The following SLC16A10 variants were observed in gnomAD, a reference collection of about 807,000 sequenced individuals.
SLC16A10 encodes the protein monocarboxylate transporter 10.
SLC16A10 carries 27 observed loss-of-function variants against 40.0 expected under a neutral mutation model. The ratio of observed to expected loss-of-function variants is 0.67; its 90% CI spans 0.50 to 0.93. The LOEUF (loss-of-function observed/expected upper bound fraction) is 0.93, where lower values mean the gene tolerates loss of function less well. SLC16A10 is among the 40% of genes least tolerant of loss of function. The pLI, the probability that SLC16A10 is intolerant of heterozygous loss-of-function variation, is 0.00. For missense variants in SLC16A10, 529 were observed against 658.2 expected (o/e 0.80, Z 2.15); for synonymous variants, 213 against 249.8 (o/e 0.85, Z 1.39).
intron 3 of SLC16A10, among the ~76,000 whole-genome samples, chr6:111,201,885 G>A (rs552105524): frequency 2.6e-5 from 4 of 152,178 alleles, no homozygotes; most frequent in Admixed American, 1.3e-4. Context: ...ATGCATGTTC[G>A]TTGGCTTTAT....
At position 111,222,310 on chromosome 6, in the gene SLC16A10, G is replaced by A. The variant is rs118149501; in HGVS notation, c.*75G>A. 16,213 of 1,495,800 alleles carry A rather than the reference G, an allele frequency of 0.011. 107 individuals are homozygous for A. Among genetic ancestry groups the A allele is most frequent in the Non-Finnish European group, 0.013 (14,537 of 1,134,656 alleles). The allele number at this position is 1,495,800 out of a possible 1,614,324, so 92.7% of individuals were successfully genotyped here. A position where few individuals can be genotyped will look rare whatever the true frequency, so the allele number is the denominator to read the frequency against. ...AGTTTCCTTTCCTTTTATACAAATT[G>A]CAAATTTCATATTTTTTTAATCACA... On this transcript the variant is annotated 3_prime_UTR_variant, in exon 6 of 6. Transcript: ENST00000368851.
intron 1 of SLC16A10, among the ~76,000 whole-genome samples, chr6:111,118,953 C>T (rs1771537430): frequency 6.6e-6 from 1 of 152,152 alleles, no homozygotes; most frequent in Non-Finnish European, 1.5e-5. Flanking sequence ...CAAAAGTCTG[C>T]ACAGTCACTG....
intron 1 of SLC16A10, among the ~76,000 whole-genome samples, chr6:111,142,305 A>G (rs1771997160): frequency 6.6e-6 from 1 of 152,212 alleles, no homozygotes; most frequent in Admixed American, 6.5e-5. Context: ...GAATAACTGG[A>G]TGTCCACATG....
intron 1 of SLC16A10, among the ~76,000 whole-genome samples, chr6:111,094,735 T>G (rs187653719): frequency 1.1e-3 from 167 of 152,202 alleles, no homozygotes; most frequent in African/African-American, 4.0e-3. Flanking sequence ...ACTTCTAAGC[T>G]CAAGCAATCC....
chr6:111,154,501 A>T (rs374534800), intron 1 of SLC16A10, among the ~76,000 whole-genome samples: 1 of 152,204 alleles, frequency 6.6e-6, no homozygotes, highest in East Asian at 1.9e-4. Context: ...GGGAAGCATG[A>T]TGGATGTGGT....
Position 111,228,229 on chromosome 6 carries a change from A to C in SLC16A10, c.*5994A>C, listed in dbSNP as rs2114602207. 6.6e-6 allele frequency: 1 copy of C among 152,358 alleles called. No individual in the cohort carries two copies. The allele number at this position is 152,358 out of a possible 1,614,324, so 9.4% of individuals were successfully genotyped here. ...TTCATTGGCAAGAGGGTAGATGATC[A>C]GTGATGACAGATTGTACAGCTGTGC... On this transcript the variant is annotated 3_prime_UTR_variant, in exon 6 of 6. Transcript: ENST00000368851.
intron 1 of SLC16A10, among the ~76,000 whole-genome samples, chr6:111,098,195 A>G (rs543791945): frequency 0.013 from 1,979 of 151,948 alleles, no homozygotes; most frequent in African/African-American, 0.046. Context: ...AATCTCAGCT[A>G]CTGGGGAAGC....
intron 1 of SLC16A10, among the ~76,000 whole-genome samples, chr6:111,089,912 T>G (rs369953044): frequency 2.2e-5 from 2 of 90,654 alleles, no homozygotes; most frequent in Non-Finnish European, 4.4e-5. Flanking sequence ...GGGTGGGTTT[T>G]TTTTTTTTTT....
intron 1 of SLC16A10, among the ~76,000 whole-genome samples, chr6:111,132,466 G>T (rs1053523980): frequency 1.3e-5 from 2 of 152,166 alleles, no homozygotes; most frequent in Non-Finnish European, 2.9e-5. Context: ...TCAAAAATCC[G>T]TAACCCAGTA....
At chr6:111,090,557 A>G (rs1035510394) in intron 1 of SLC16A10, among the ~76,000 whole-genome samples, 2 of 152,202 alleles carry the variant, frequency 1.3e-5, no homozygotes, top group African/African-American at 2.4e-5. Flanking sequence ...TGGTTACAAG[A>G]TAGTCTTTAA....
At chr6:111,088,856 C>A (rs538354520) in intron 1 of SLC16A10, among the ~76,000 whole-genome samples, 1 of 152,058 alleles carries the variant, frequency 6.6e-6, no homozygotes, top group African/African-American at 2.4e-5. Context: ...GACTTTTTGG[C>A]TGGTTAGGCA....
In SLC16A10 at chr6:111,224,714, A is replaced by G. The variant is rs1562439603; in HGVS notation, c.*2479A>G. ...TATGTTTTTTGTGGGAAAAGTTCTAAAAGTTTAAAATGCACAAAGAAAATG... is the reference window on the plus strand; with the variant it reads ...TATGTTTTTTGTGGGAAAAGTTCTAGAAGTTTAAAATGCACAAAGAAAATG... On this transcript the variant is annotated 3_prime_UTR_variant, in exon 6 of 6. Transcript: ENST00000368851. 6.6e-6 allele frequency: 1 copy of G among 152,232 alleles called. No individual in the cohort carries two copies. Among genetic ancestry groups the G allele is most frequent in the Non-Finnish European group, 1.5e-5 (1 of 68,040 alleles). The allele number at this position is 152,232 out of a possible 1,614,324, so 9.4% of individuals were successfully genotyped here.
At chr6:111,195,522 A>C (rs1773065611) in intron 3 of SLC16A10, among the ~76,000 whole-genome samples, 1 of 152,230 alleles carries the variant, frequency 6.6e-6, no homozygotes, top group Non-Finnish European at 1.5e-5. Flanking sequence ...ATCACGATAA[A>C]AAATTAAAAA....
chr6:111,123,614 G>T (rs916132736), intron 1 of SLC16A10, among the ~76,000 whole-genome samples: 1 of 152,176 alleles, frequency 6.6e-6, no homozygotes, highest in Admixed American at 6.5e-5. Context: ...GAGCCAGGAG[G>T]TGACAGTATC....
At chr6:111,128,025 G>A (rs12195305) in intron 1 of SLC16A10, among the ~76,000 whole-genome samples, 15,279 of 152,124 alleles carry the variant, frequency 0.1, 1,013 homozygotes, top group Middle Eastern at 0.17. Context: ...TGCTGCCTTT[G>A]CTCTGAGGCT....
chr6:111,184,883 A>T (rs1350541018), intron 3 of SLC16A10, among the ~76,000 whole-genome samples: 1 of 152,218 alleles, frequency 6.6e-6, no homozygotes, highest in African/African-American at 2.4e-5. Flanking sequence ...GTAGTGCCAG[A>T]TGCTGCCAAG....
chr6:111,193,341 C>T, intron 3 of SLC16A10: 1 of 985,456 alleles, frequency 1.0e-6, no homozygotes, highest in South Asian at 4.7e-5. Context: ...GACAATTTGC[C>T]CATTTATCAG....
At chr6:111,100,998 A>C (rs1010795345) in intron 1 of SLC16A10, among the ~76,000 whole-genome samples, 340 of 109,786 alleles carry the variant, frequency 3.1e-3, no homozygotes, top group South Asian at 7.1e-3. Flanking sequence ...CTCTCTATAT[A>C]TATATATATA....
chr6:111,170,177 A>G (rs934503353), intron 1 of SLC16A10, among the ~76,000 whole-genome samples: 1 of 151,858 alleles, frequency 6.6e-6, no homozygotes, highest in Non-Finnish European at 1.5e-5. Context: ...TGATCTCCCA[A>G]AGTGCTGGGA....
Sources: allele counts gnomAD v4.1 joint callset (sites outside exome capture counted in the v4.1 genomes callset), GRCh38; gene constraint gnomAD v4.1.1; transcripts MANE v1.5; gene names NCBI Gene and HGNC (gene_info 2026-07-23, HGNC 2026-07-21).